Variants in ZCCHC14 observed in about 807,000 individuals in gnomAD.
ZCCHC14 encodes zinc finger CCHC domain-containing protein 14.
Under a neutral mutation model 85.0 loss-of-function variants are expected in ZCCHC14, and 16 were observed. The observed-to-expected ratio is 0.19, with a 90% CI of 0.13 to 0.29. The LOEUF (loss-of-function observed/expected upper bound fraction) is 0.29, where lower values mean the gene tolerates loss of function less well. Among genes scored for constraint, ZCCHC14 ranks in the 10% least tolerant of loss-of-function variants. The probability of loss-of-function intolerance (pLI) is 1.00; values close to 1 mark genes in which losing one functional copy is unlikely to be tolerated. For synonymous variants in ZCCHC14, 775 were observed against 630.7 expected (o/e 1.23, Z -3.43); for missense variants, 1,303 against 1,443.5 (o/e 0.90, Z 1.58).
At chr16:87,452,820 G>A (rs1910769914) in intron 2 of ZCCHC14, among the ~76,000 whole-genome samples, 2 of 152,222 alleles carry the variant, frequency 1.3e-5, no homozygotes, top group Admixed American at 6.5e-5. Flanking sequence ...AGGTGCAGGT[G>A]CTGAGGCTGG....
intron 1 of ZCCHC14, among the ~76,000 whole-genome samples, chr16:87,474,838 G>A (rs1402520666): frequency 6.6e-6 from 1 of 152,246 alleles, no homozygotes; most frequent in Non-Finnish European, 1.5e-5. Flanking sequence ...CCCTGCAACA[G>A]GCAGGCACGG....
At chr16:87,413,423 C>T (rs1005493233) in intron 10 of ZCCHC14, among the ~76,000 whole-genome samples, 2 of 152,222 alleles carry the variant, frequency 1.3e-5, no homozygotes, top group African/African-American at 4.8e-5. Flanking sequence ...CCGGCCCCCG[C>T]CATCAACCCC....
At chr16:87,429,543 C>T (rs1278504132) in intron 3 of ZCCHC14, among the ~76,000 whole-genome samples, 2 of 152,122 alleles carry the variant, frequency 1.3e-5, no homozygotes, top group South Asian at 2.1e-4. Context: ...GCAACCTAGG[C>T]GGCCAGGACA....
chr16:87,491,229 A>T lies in ZCCHC14; in HGVS notation c.570+440T>A, dbSNP rs1309215476. On this transcript the variant is annotated intron_variant, in intron 1 of 12. Transcript: ENST00000671377. The surrounding 1 kb of genome is among the most constrained non-coding windows in gnomAD (Gnocchi z 5.9). ...ACCGCTCCCGCGGATCCTCGGACCC[A>T]GGGCCCCTGCAGCCGCTCCTGCCCA... Among the ~76,000 whole-genome samples the T allele has an allele frequency of 6.6e-6, 1 of 152,376 alleles. No homozygotes were observed. The highest frequency in any genetic ancestry group is 1.5e-5 in the Non-Finnish European group (1 of 68,028).
At chr16:87,447,228 CA>C (rs1377370225) in intron 2 of ZCCHC14, among the ~76,000 whole-genome samples, 2 of 147,440 alleles carry the variant, frequency 1.4e-5, no homozygotes, top group African/African-American at 5.4e-5. Context: ...TATTTTGGGC[CA>C]GGGGGAACTA....
intron 1 of ZCCHC14, among the ~76,000 whole-genome samples, chr16:87,466,065 G>T (rs773798310): frequency 6.6e-6 from 1 of 152,214 alleles, no homozygotes. Context: ...GCCTGCAGAA[G>T]AGCTGACGCT....
intron 9 of ZCCHC14, among the ~76,000 whole-genome samples, chr16:87,415,066 A>G (rs1908713472): frequency 6.6e-6 from 1 of 152,404 alleles, no homozygotes; most frequent in South Asian, 2.1e-4. Flanking sequence ...TGGGCACGAC[A>G]GAGCGAGACT....
chr16:87,468,290 G>C (rs1911621954), intron 1 of ZCCHC14, among the ~76,000 whole-genome samples: 1 of 152,058 alleles, frequency 6.6e-6, no homozygotes, highest in Admixed American at 6.5e-5. Context: ...CTGGCCAATG[G>C]TAAGGATTTT....
At chr16:87,457,277 C>T (rs971944265) in intron 2 of ZCCHC14, among the ~76,000 whole-genome samples, 7 of 152,238 alleles carry the variant, frequency 4.6e-5, no homozygotes, top group Admixed American at 2.0e-4. Flanking sequence ...GCCCACACAA[C>T]GGTGTGTTTT....
intron 1 of ZCCHC14, chr16:87,473,205 T>G (rs985710070): frequency 7.2e-6 from 1 of 138,936 alleles, no homozygotes; most frequent in Non-Finnish European, 1.5e-5. Flanking sequence ...TCTACAGGAC[T>G]TTTTTTTTTT....
At chr16:87,438,873 T>C (rs1910055182) in intron 2 of ZCCHC14, among the ~76,000 whole-genome samples, 1 of 152,232 alleles carries the variant, frequency 6.6e-6, no homozygotes, top group Admixed American at 6.5e-5. Flanking sequence ...TTTATCTCCA[T>C]GGAGCCTATG....
At chr16:87,475,467 C>T (rs1170226320) in intron 1 of ZCCHC14, among the ~76,000 whole-genome samples, 3 of 148,950 alleles carry the variant, frequency 2.0e-5, no homozygotes. Context: ...ACAGGAGAAT[C>T]GCTTGAACCC....
At chr16:87,481,956 A>C (rs1912300037) in intron 1 of ZCCHC14, among the ~76,000 whole-genome samples, 1 of 152,186 alleles carries the variant, frequency 6.6e-6, no homozygotes, top group Admixed American at 6.5e-5. Flanking sequence ...GGAAGGCAGA[A>C]GGGGAAAGGG....
intron 2 of ZCCHC14, among the ~76,000 whole-genome samples, chr16:87,441,710 T>C (rs1265899567): frequency 2.6e-5 from 4 of 152,376 alleles, no homozygotes; most frequent in South Asian, 2.1e-4. Flanking sequence ...CATCAATAAA[T>C]AGCCACATAT....
chr16:87,425,156 A>C (rs1909303829), intron 3 of ZCCHC14, among the ~76,000 whole-genome samples: 1 of 152,104 alleles, frequency 6.6e-6, no homozygotes, highest in African/African-American at 2.4e-5. Context: ...CAGTCGAGGA[A>C]AGGGCCACCT....
At chr16:87,443,615 T>C (rs1336956931) in intron 2 of ZCCHC14, among the ~76,000 whole-genome samples, 2 of 152,184 alleles carry the variant, frequency 1.3e-5, no homozygotes, top group Non-Finnish European at 2.9e-5. Context: ...TACACACCTG[T>C]AGCCCCAGCT....
intron 3 of ZCCHC14, among the ~76,000 whole-genome samples, chr16:87,424,139 C>T (rs990666906): frequency 1.3e-5 from 2 of 152,250 alleles, no homozygotes; most frequent in African/African-American, 4.8e-5. Context: ...GGGTCTACAG[C>T]TGCCTCCTGT....
chr16:87,482,713 G>C (rs1254869605), intron 1 of ZCCHC14, among the ~76,000 whole-genome samples: 2 of 152,194 alleles, frequency 1.3e-5, no homozygotes, highest in East Asian at 1.9e-4. Flanking sequence ...GTAAACGAGA[G>C]ACAGCTCAGA....
chr16:87,462,643 G>A (rs1381631470), intron 1 of ZCCHC14, among the ~76,000 whole-genome samples: 1 of 151,972 alleles, frequency 6.6e-6, no homozygotes, highest in Non-Finnish European at 1.5e-5. Flanking sequence ...GGGAGGCTGA[G>A]GCAGGAGAAT....
Sources: gnomAD v4.1 joint callset for allele counts (sites outside exome capture counted in the v4.1 genomes callset) on GRCh38, gnomAD v4.1.1 for gene constraint, Gnocchi (gnomAD v3.1) non-coding constraint, MANE v1.5 for transcripts, NCBI Gene and HGNC (gene_info 2026-07-23, HGNC 2026-07-21) for gene names.